CDK5RAP2: variants seen among roughly 807,000 people sequenced by gnomAD.
CDK5RAP2 encodes the protein CDK5 regulatory subunit-associated protein 2.
In CDK5RAP2, 147 loss-of-function variants were observed where a neutral mutation model predicts 232.9. The observed-to-expected ratio is 0.63, with a 90% confidence interval of 0.55 to 0.72. The LOEUF (loss-of-function observed/expected upper bound fraction) is 0.72. CDK5RAP2 is among the 30% of genes least tolerant of loss of function. The pLI, the probability that CDK5RAP2 is intolerant of heterozygous loss-of-function variation, is 0.00. For missense variants in CDK5RAP2, 2,195 were observed against 2,231.5 expected, an observed-to-expected ratio of 0.98 and a Z score of 0.33; for synonymous variants, 833 against 833.7, an observed-to-expected ratio of 1.00 and a Z score of 0.01.
In CDK5RAP2 at chr9:120,487,079, T is replaced by C. The variant is rs576796530; in HGVS notation, c.1626+215A>G. Among the ~76,000 whole-genome samples the C allele has an allele frequency of 4.6e-5, 7 of 152,320 alleles. No individual in the cohort carries two copies. In the South Asian group the frequency reaches 1.2e-3, roughly 27 times the overall value. Reference sequence around the variant, plus strand: ...AGGCTTCTGGTTTAACAAGCTATGCTTTCTCAGTTTCGTGTGCAGTGCAAA... The same window carrying C: ...AGGCTTCTGGTTTAACAAGCTATGCCTTCTCAGTTTCGTGTGCAGTGCAAA... On this transcript the variant is annotated intron_variant, in intron 14 of 37. Transcript: ENST00000349780.
At chr9:120,426,486 A>C (rs142033997) in intron 25 of CDK5RAP2, among the ~76,000 whole-genome samples, 2 of 152,342 alleles carry the variant, frequency 1.3e-5, no homozygotes, top group Non-Finnish European at 2.9e-5. Flanking sequence ...TGAAAGAGTT[A>C]TTATCTAAAG....
Position 120,470,701 on chromosome 9 carries a change from G to A in CDK5RAP2, c.1859-481C>T, listed in dbSNP as rs116533823. The stretch of plus-strand genomic sequence containing the variant: ...CTCATGGGAAACAAGCACACTAAGT[G>A]CAGAAAGTGCCTGCTAGTGCTAAGC... On this transcript the variant is annotated intron_variant, in intron 16 of 37. Coordinates refer to ENST00000349780, the MANE Select transcript of CDK5RAP2 (RefSeq NM_018249.6). Among the ~76,000 whole-genome samples, 978 of 150,492 alleles carry A rather than the reference G, an allele frequency of 6.5e-3. 17 individuals are homozygous for A. The highest frequency in any genetic ancestry group is 0.023 in the African/African-American group (932 of 40,764).
At chr9:120,535,099 C>A (rs1167122242) in intron 7 of CDK5RAP2, among the ~76,000 whole-genome samples, 1 of 152,166 alleles carries the variant, frequency 6.6e-6, no homozygotes, top group Non-Finnish European at 1.5e-5. Flanking sequence ...CCACTGAGGT[C>A]CATGGGGAAC....
chr9:120,436,121 G>A (rs766852424), intron 25 of CDK5RAP2, among the ~76,000 whole-genome samples: 3 of 152,310 alleles, frequency 2.0e-5, no homozygotes, highest in Non-Finnish European at 4.4e-5. Flanking sequence ...AGTGATCAAA[G>A]TTAATATCAC....
chr9:120,509,074 A>C (rs1284676868), intron 12 of CDK5RAP2, among the ~76,000 whole-genome samples: 1 of 152,226 alleles, frequency 6.6e-6, no homozygotes, highest in African/African-American at 2.4e-5. Flanking sequence ...CTTTAACAGC[A>C]GCCCCAGGTA....
chr9:120,498,915 T>C (rs2039445941), intron 12 of CDK5RAP2, among the ~76,000 whole-genome samples: 1 of 152,084 alleles, frequency 6.6e-6, no homozygotes, highest in South Asian at 2.1e-4. Flanking sequence ...TGGATCATGA[T>C]TTATCTTTTT....
At chr9:120,550,720 T>C (rs567560671) in intron 4 of CDK5RAP2, 72 bp downstream of exon 4, 2 of 887,604 alleles carry the variant, frequency 2.3e-6, no homozygotes, top group Non-Finnish European at 3.9e-6. Flanking sequence ...AGAACAAATA[T>C]TAATCAAATT....
intron 16 of CDK5RAP2, 38 bp from the exon 17 acceptor site, chr9:120,470,258 G>A (rs753688402): frequency 6.0e-6 from 6 of 1,005,314 alleles, no homozygotes; most frequent in Admixed American, 4.7e-5. Flanking sequence ...GGGAGGGGGA[G>A]GAGAAAAAGA....
At chr9:120,578,010 C>T (rs1042051956) in intron 1 of CDK5RAP2, among the ~76,000 whole-genome samples, 1 of 152,194 alleles carries the variant, frequency 6.6e-6, no homozygotes, top group African/African-American at 2.4e-5. Context: ...TGGCTCACGC[C>T]TGTAATCCCA....
chr9:120,573,468 G>A (rs1247565660), intron 1 of CDK5RAP2, among the ~76,000 whole-genome samples: 1 of 151,398 alleles, frequency 6.6e-6, no homozygotes, highest in African/African-American at 2.4e-5. Flanking sequence ...AGAATCACTT[G>A]AACCCAGGAG....
At chr9:120,400,986 G>T in intron 34 of CDK5RAP2, 101 bp from the exon 35 acceptor site, 1 of 1,320,778 alleles carries the variant, frequency 7.6e-7, no homozygotes, top group South Asian at 1.2e-5. Context: ...TAGGGCTTCT[G>T]TTTCACACGC....
intron 3 of CDK5RAP2, among the ~76,000 whole-genome samples, chr9:120,567,258 T>C (rs560648793): frequency 2.9e-4 from 44 of 152,380 alleles, no homozygotes; most frequent in South Asian, 1.2e-3. Context: ...CTTGTTTCCA[T>C]TAGAGATCTG....
At position 120,550,871 on chromosome 9, in the gene CDK5RAP2, T is replaced by C; in HGVS notation, c.227A>G (p.Asn76Ser). 6.2e-7 allele frequency: 1 copy of C among 1,613,012 alleles called. No individual in the cohort carries two copies. Among genetic ancestry groups the C allele is most frequent in the Non-Finnish European group, 8.5e-7 (1 of 1,179,008 alleles). The change falls in exon 4 of 38, where the codon AAC becomes AGC. Residue 76 changes from asparagine (N) to serine (S), a missense_variant. Physicochemically the swap from Asn to Ser is conservative, Grantham distance 46 (BLOSUM62 1). Transcript: ENST00000349780. ...AAGGAAATAGATGCGGAGCTTTAGG[T>C]TAAAGTTTTCTTTCTTCAATTCAGT... ...QITELKKENF[N>S]LKLRIYFLEE...
intron 12 of CDK5RAP2, among the ~76,000 whole-genome samples, chr9:120,506,437 G>A (rs911865849): frequency 6.6e-6 from 1 of 152,166 alleles, no homozygotes; most frequent in African/African-American, 2.4e-5. Context: ...CATCCATTCC[G>A]CAACCCACAG....
intron 4 of CDK5RAP2, 96 bp downstream of exon 4, chr9:120,550,696 T>G (rs2042010381): frequency 7.4e-6 from 6 of 806,062 alleles, no homozygotes; most frequent in Non-Finnish European, 1.3e-5. Context: ...GCATCTCTAT[T>G]CATACTAACT....
At position 120,579,932 on chromosome 9, in the gene CDK5RAP2, A is replaced by C. The variant is rs1268512046; in HGVS notation, c.47T>G (p.Leu16Arg). The C allele has an allele frequency of 6.2e-7, 1 of 1,613,488 alleles. No homozygotes were observed. Among genetic ancestry groups the C allele is most frequent in the South Asian group, 1.1e-5 (1 of 91,064 alleles). ...LEEDVTVPGT[L>R]SGCSGLVPSV... ...GCCCCGGCCGCACCTGCAGCCGCTGAGCGTCCCAGGGACGGTGACGTCCTC... is the reference window on the plus strand; with the variant it reads ...GCCCCGGCCGCACCTGCAGCCGCTGCGCGTCCCAGGGACGGTGACGTCCTC... The change falls in exon 1 of 38, where the codon CTC (leucine) becomes CGC (arginine). Residue 16 changes from leucine to arginine, a missense_variant. By Grantham distance (102) the Leu-to-Arg change is moderately radical. Transcript: ENST00000349780.
At chr9:120,391,720 G>C (rs917574757) in intron 36 of CDK5RAP2, among the ~76,000 whole-genome samples, 1 of 152,232 alleles carries the variant, frequency 6.6e-6, no homozygotes, top group Non-Finnish European at 1.5e-5. Context: ...TATGGTGTCA[G>C]TTTGACCAGG....
At chr9:120,396,405 C>G (rs114714846) in intron 35 of CDK5RAP2, among the ~76,000 whole-genome samples, 1,915 of 152,330 alleles carry the variant, frequency 0.013, 41 homozygotes, top group African/African-American at 0.044. Context: ...TATCACATTG[C>G]AGTAGAGTGA....
intron 3 of CDK5RAP2, among the ~76,000 whole-genome samples, chr9:120,567,043 A>G (rs2132167106): frequency 6.6e-6 from 1 of 152,374 alleles, no homozygotes; most frequent in South Asian, 2.1e-4. Context: ...CTTAGCACTT[A>G]AAGTACCCAG....
Sources: allele counts gnomAD v4.1 joint callset (sites outside exome capture counted in the v4.1 genomes callset), GRCh38; gene constraint gnomAD v4.1.1; transcripts MANE v1.5; gene names NCBI Gene and HGNC (gene_info 2026-07-23, HGNC 2026-07-21).